Variants in MAML3 observed in about 807,000 individuals in gnomAD.
MAML3 encodes mastermind-like protein 3.
Under a neutral mutation model 101.9 loss-of-function variants are expected in MAML3, and 27 were observed. The ratio of observed to expected loss-of-function variants is 0.27; its 90% confidence interval spans 0.20 to 0.37. The LOEUF (loss-of-function observed/expected upper bound fraction) is 0.37, where lower values mean the gene tolerates loss of function less well. MAML3 is among the 10% of genes least tolerant of loss of function. The pLI is 1.00. For missense variants in MAML3, 1,316 were observed against 1,444.9 expected (o/e 0.91, Z 1.45); for synonymous variants, 501 against 555.9 (o/e 0.90, Z 1.39).
At chr4:139,960,059 C>G (rs1733984492) in intron 1 of MAML3, among the ~76,000 whole-genome samples, 2 of 152,022 alleles carry the variant, frequency 1.3e-5, no homozygotes, top group African/African-American at 2.4e-5. Flanking sequence ...CCTAGAAATT[C>G]AGAGGAAAGG....
rs558988548 is a variant in MAML3 at position 139,719,123 on chromosome 4, A to C, written c.*200T>G. On this transcript the variant is annotated 3_prime_UTR_variant, in exon 5 of 5. Transcript: ENST00000509479. ...GGGATCTGCATGGCGTCTCATCTCG[A>C]TTGCTGTGTGAAAATCAGGTGAAAT... 3.4e-6 allele frequency: 2 copies of C among 590,724 alleles called. No individual in the cohort carries two copies. Among genetic ancestry groups the C allele is most frequent in the South Asian group, 5.0e-5 (2 of 40,184 alleles). 36.6% of individuals were successfully genotyped at this position (590,724 alleles called of 1,614,324 possible).
At chr4:139,927,213 C>T (rs1044601666) in intron 1 of MAML3, among the ~76,000 whole-genome samples, 1 of 152,034 alleles carries the variant, frequency 6.6e-6, no homozygotes, top group Non-Finnish European at 1.5e-5. Context: ...CGTGAGCCAC[C>T]ATACCTGGCT....
intron 1 of MAML3, among the ~76,000 whole-genome samples, chr4:139,913,566 C>G: frequency 6.6e-6 from 1 of 152,246 alleles, no homozygotes; most frequent in Non-Finnish European, 1.5e-5. Context: ...ATGAAGCCAT[C>G]TAAGAAAAAG....
intron 1 of MAML3, among the ~76,000 whole-genome samples, chr4:140,032,878 GTAA>G (rs1283296987): frequency 3.1e-5 from 1 of 32,518 alleles, no homozygotes; most frequent in Non-Finnish European, 6.2e-5. Context: ...CTCATTGTTT[GTAA>G]AAAAAAAAAA....
intron 1 of MAML3, among the ~76,000 whole-genome samples, chr4:140,051,115 A>C (rs1285466925): frequency 6.6e-6 from 1 of 152,230 alleles, no homozygotes; most frequent in Non-Finnish European, 1.5e-5. Flanking sequence ...CATAGCAAAA[A>C]TTCCTCTATG....
chr4:139,772,058 T>G (rs933878349), intron 2 of MAML3, among the ~76,000 whole-genome samples: 3 of 150,220 alleles, frequency 2.0e-5, no homozygotes, highest in African/African-American at 4.9e-5. Flanking sequence ...GCTAACACGG[T>G]GAAACCCCCG....
chr4:140,053,747 A>G (rs938974977), intron 1 of MAML3, among the ~76,000 whole-genome samples: 8 of 152,212 alleles, frequency 5.3e-5, no homozygotes, highest in African/African-American at 1.4e-4. Context: ...CATTTCTACA[A>G]ATTTTTGGTT....
intron 1 of MAML3, among the ~76,000 whole-genome samples, chr4:139,997,866 T>G (rs1172633983): frequency 2.6e-5 from 4 of 152,154 alleles, no homozygotes; most frequent in African/African-American, 9.7e-5. Flanking sequence ...TTTAGTATTC[T>G]GTCATTCTTT....
In MAML3 at chr4:139,718,158, T is replaced by G. The variant is rs1045823196; in HGVS notation, c.*1165A>C. ...CCTCCAGGCCACTCCTTCCTGGGGA[T>G]ATCAGAAATATCAGATGTGGCTCAC... On this transcript the variant is annotated 3_prime_UTR_variant, in exon 5 of 5. Transcript: ENST00000509479. The G allele has an allele frequency of 2.6e-5, 4 of 152,182 alleles. No homozygotes were observed. 9.4% of individuals were successfully genotyped at this position (152,182 alleles called of 1,614,324 possible). A position where few individuals can be genotyped will look rare whatever the true frequency, so the allele number is the denominator to read the frequency against.
At chr4:140,118,328 G>GTATA (rs368236253) in intron 1 of MAML3, among the ~76,000 whole-genome samples, 2 of 151,458 alleles carry the variant, frequency 1.3e-5, no homozygotes, top group African/African-American at 4.8e-5. Flanking sequence ...TTCTTCATCT[G>GTATA]TATATATATA....
intron 2 of MAML3, among the ~76,000 whole-genome samples, chr4:139,752,703 A>G (rs1019882318): frequency 1.3e-5 from 2 of 152,236 alleles, no homozygotes; most frequent in African/African-American, 4.8e-5. Flanking sequence ...GCATGTGTAC[A>G]GATAAGAAGA....
At chr4:139,974,129 A>C (rs1734278056) in intron 1 of MAML3, among the ~76,000 whole-genome samples, 1 of 145,320 alleles carries the variant, frequency 6.9e-6, no homozygotes, top group Non-Finnish European at 1.5e-5. Context: ...TTTTTGAGAC[A>C]GAGTCTCGCT....
At chr4:139,956,463 G>A (rs1733918770) in intron 1 of MAML3, among the ~76,000 whole-genome samples, 1 of 152,182 alleles carries the variant, frequency 6.6e-6, no homozygotes, top group Admixed American at 6.5e-5. Flanking sequence ...TCTTTAAAAT[G>A]TCAGGGCTAG....
At chr4:139,934,181 AGT>A (rs1431478887) in intron 1 of MAML3, among the ~76,000 whole-genome samples, 2 of 151,362 alleles carry the variant, frequency 1.3e-5, no homozygotes, top group Admixed American at 6.6e-5. Context: ...TGCATGTCTG[AGT>A]GTGTGTGAAT....
chr4:139,746,719 C>A (rs1055846128), intron 2 of MAML3, among the ~76,000 whole-genome samples: 5 of 152,182 alleles, frequency 3.3e-5, no homozygotes, highest in African/African-American at 1.2e-4. Context: ...TTTCACCTCC[C>A]CCCTTCTCCT....
At chr4:139,867,712 A>C (rs896488057) in intron 2 of MAML3, among the ~76,000 whole-genome samples, 2 of 152,246 alleles carry the variant, frequency 1.3e-5, no homozygotes, top group African/African-American at 4.8e-5. Context: ...GAAAATAATA[A>C]TTTAACTTTG....
intron 1 of MAML3, among the ~76,000 whole-genome samples, chr4:140,070,418 A>C (rs1167193487): frequency 1.3e-5 from 2 of 152,226 alleles, no homozygotes; most frequent in Non-Finnish European, 2.9e-5. Context: ...CTTCTCTTTG[A>C]AGGTGAGCTT....
intron 1 of MAML3, among the ~76,000 whole-genome samples, chr4:139,952,491 A>G (rs745481462): frequency 6.6e-6 from 1 of 152,144 alleles, no homozygotes; most frequent in Non-Finnish European, 1.5e-5. Context: ...GGGTGTAAAA[A>G]TCCCTACCAA....
chr4:139,889,779 T>C lies in MAML3; in HGVS notation c.1657A>G (p.Ile553Val), dbSNP rs1241876641. ...AGGTTGTTTGCCATTGGAGGCACTA[T>C]AGGGTTTTGGTTGTTAAAGGCTTGG... is the stretch of plus-strand genomic sequence containing the variant. ...YPQAFNNQNP[I>V]VPPMANNLQK... The change falls in exon 2 of 5, where the codon ATA becomes GTA. Residue 553 changes from isoleucine (I) to valine (V), a missense_variant. Transcript: ENST00000509479. The C allele has an allele frequency of 1.9e-6, 3 of 1,613,990 alleles. No homozygotes were observed. The highest frequency in any genetic ancestry group is 1.1e-5 in the South Asian group (1 of 91,088).
Sources: gnomAD v4.1 joint callset for allele counts (sites outside exome capture counted in the v4.1 genomes callset) on GRCh38, gnomAD v4.1.1 for gene constraint, MANE v1.5 for transcripts, NCBI Gene and HGNC (gene_info 2026-07-23, HGNC 2026-07-21) for gene names.